The following CUX1 variants were observed in gnomAD, a reference collection of about 807,000 sequenced individuals.
CUX1 encodes cut like homeobox 1.
CUX1 carries 31 observed loss-of-function variants against 158.8 expected under a neutral mutation model. The ratio of observed to expected loss-of-function variants is 0.20; its 90% confidence interval spans 0.15 to 0.26. CUX1 has a LOEUF of 0.26. Among genes scored for constraint, CUX1 ranks in the 10% least tolerant of loss-of-function variants. The pLI, the probability that CUX1 is intolerant of heterozygous loss-of-function variation, is 1.00. For synonymous variants in CUX1, 879 were observed against 862.1 expected, an observed-to-expected ratio of 1.02 and a Z score of -0.34; for missense variants, 1,589 against 2,014.6, an observed-to-expected ratio of 0.79 and a Z score of 4.04.
intron 1 of CUX1, among the ~76,000 whole-genome samples, chr7:101,892,952 G>A (rs1042701747): frequency 2.0e-5 from 3 of 151,946 alleles, no homozygotes; most frequent in Admixed American, 6.6e-5. Flanking sequence ...AGGCCTGAAC[G>A]TGGGCATGTT....
intron 6 of CUX1, among the ~76,000 whole-genome samples, chr7:102,105,480 C>T (rs1314628919): frequency 1.4e-5 from 2 of 142,584 alleles, no homozygotes; most frequent in Admixed American, 7.1e-5. Context: ...GACTATTGAG[C>T]TTACGGATCC....
chr7:102,094,825 C>T (rs1829011682), intron 4 of CUX1, among the ~76,000 whole-genome samples: 2 of 152,114 alleles, frequency 1.3e-5, no homozygotes, highest in African/African-American at 4.8e-5. Context: ...TTTCTTGAAA[C>T]CATTTGCCCA....
intron 11 of CUX1, among the ~76,000 whole-genome samples, chr7:102,180,575 C>G (rs1206737128): frequency 6.6e-6 from 1 of 151,690 alleles, no homozygotes; most frequent in Non-Finnish European, 1.5e-5. Flanking sequence ...ATTCTCCCAC[C>G]TCGGCTCCCA....
intron 1 of CUX1, among the ~76,000 whole-genome samples, chr7:101,895,901 TGTTTTTG>T (rs1257693780): frequency 0.28 from 25,886 of 93,466 alleles, 3,192 homozygotes; most frequent in African/African-American, 0.35. Context: ...GTTTTTTTTT[TGTTTTTG>T]TTTTTTTTTT....
At position 102,218,768 on chromosome 7, in the gene CUX1, G is replaced by T. The variant is rs57661343; in HGVS notation, c.3131-8599G>T. Among the ~76,000 whole-genome samples the T allele has an allele frequency of 2.9e-3, 445 of 151,804 alleles. 3 individuals carry two copies. Among genetic ancestry groups the T allele is most frequent in the African/African-American group, 0.01 (417 of 41,380 alleles). The stretch of plus-strand genomic sequence containing the variant: ...TCGGGCAAACCTAAAAACATATATT[G>T]TTGGCCAGGCACGGTGGCTCAGGCC... On this transcript the variant is annotated intron_variant, in intron 20 of 23. Transcript: ENST00000292535.
At position 102,253,619 on chromosome 7, in the gene CUX1, C is replaced by T. The variant is rs1801757777; in HGVS notation, c.*4577C>T. On this transcript the variant is annotated 3_prime_UTR_variant, in exon 24 of 24. Coordinates refer to ENST00000292535, the MANE Select transcript of CUX1 (RefSeq NM_181552.4). ...AATAGCAGAGCCAGGGGAACAGACG[C>T]ATGTCCTTCTGGGAGTCACACAAAA... is the stretch of plus-strand genomic sequence containing the variant. 1 of 985,358 alleles carries T rather than the reference C, an allele frequency of 1.0e-6. No individual in the cohort carries two copies. 61.0% of individuals were successfully genotyped at this position (985,358 alleles called of 1,614,324 possible).
chr7:102,197,763 C>A (rs1335242601), intron 15 of CUX1, among the ~76,000 whole-genome samples: 1 of 152,076 alleles, frequency 6.6e-6, no homozygotes, highest in African/African-American at 2.4e-5. Flanking sequence ...ACAGATGACA[C>A]CTCCCCTCTT....
intron 2 of CUX1, among the ~76,000 whole-genome samples, chr7:102,017,380 C>T (rs1328042784): frequency 2.6e-5 from 4 of 151,934 alleles, no homozygotes; most frequent in Non-Finnish European, 4.4e-5. Flanking sequence ...GTGTCTGCCC[C>T]GAACCTAGCA....
chr7:101,878,615 T>C (rs545883957), intron 1 of CUX1, among the ~76,000 whole-genome samples: 47 of 152,196 alleles, frequency 3.1e-4, no homozygotes, highest in Admixed American at 7.2e-4. Flanking sequence ...TACAATGTGA[T>C]TGTAAAAATT....
intron 17 of CUX1, among the ~76,000 whole-genome samples, chr7:102,277,240 T>A (rs1791672563): frequency 6.6e-6 from 1 of 151,880 alleles, no homozygotes; most frequent in Non-Finnish European, 1.5e-5. Flanking sequence ...GAGGCTGCAG[T>A]GAGCTCTGGT....
At chr7:102,260,820 A>G (rs568610250), downstream of CUX1, among the ~76,000 whole-genome samples, 34 of 152,278 alleles carry the variant, frequency 2.2e-4, no homozygotes, top group African/African-American at 7.7e-4. Context: ...AATTGTCTGC[A>G]ATGGTCCTGT....
chr7:102,191,532 C>G (rs909960290), intron 12 of CUX1, among the ~76,000 whole-genome samples: 2 of 152,274 alleles, frequency 1.3e-5, no homozygotes, highest in East Asian at 3.9e-4. Flanking sequence ...TTAAACATTA[C>G]CTGGTTAACC....
chr7:101,962,967 T>C (rs975568586), intron 2 of CUX1, among the ~76,000 whole-genome samples: 2 of 152,102 alleles, frequency 1.3e-5, no homozygotes, highest in Non-Finnish European at 2.9e-5. Flanking sequence ...GTGATCCTCC[T>C]CCCAAAGTGC....
chr7:101,861,664 G>A (rs1797472979), intron 1 of CUX1, among the ~76,000 whole-genome samples: 1 of 152,168 alleles, frequency 6.6e-6, no homozygotes, highest in Non-Finnish European at 1.5e-5. Context: ...TGATTTGGTG[G>A]TGCTGGTGCT....
rs566986252 is a variant in CUX1 at position 102,032,894 on chromosome 7, C to T, written c.189+4749C>T. 3.0e-4 allele frequency among the ~76,000 whole-genome samples: 46 copies of T among 152,170 alleles called. No homozygotes were observed. In the Middle Eastern group the frequency reaches 0.014, roughly 45 times the overall value. On this transcript the variant is annotated intron_variant, in intron 3 of 23. Transcript: ENST00000292535. ...CAATTTAAAGCTTATTCTAGCCCAA[C>T]AATTTAGACAATCCCTTTAGTAAAG...
rs781935058 is a variant in CUX1 at position 102,280,146 on chromosome 7, G to A, written c.1764+26G>A. On this transcript the variant is annotated intron_variant, in intron 19 of 22. Coordinates refer to the CUX1 transcript ENST00000292538. ...GTTCGTGAGCCCAGCCTGGGCAGGG[G>A]AGGGGAGGGGCATCAGCCCAGGGAA... is the stretch of plus-strand genomic sequence containing the variant. 1.2e-5 allele frequency: 18 copies of A among 1,514,056 alleles called. No individual in the cohort carries two copies. The South Asian group carries it at 1.9e-4, about 16-fold the overall frequency. 93.8% of individuals were successfully genotyped at this position (1,514,056 alleles called of 1,614,324 possible).
chr7:102,101,548 C>T (rs1829777344), intron 5 of CUX1, among the ~76,000 whole-genome samples: 1 of 152,222 alleles, frequency 6.6e-6, no homozygotes, highest in South Asian at 2.1e-4. Flanking sequence ...TGATGTGTCA[C>T]TGAGGAGCCC....
At position 102,252,667 on chromosome 7, in the gene CUX1, T is replaced by A; in HGVS notation, c.*3625T>A. ...CTTGTGATAGCCGAGATGGCAGGTGTGTGAGTTCTGTCCTAGACCTGTGCC... is the reference window on the plus strand; with the variant it reads ...CTTGTGATAGCCGAGATGGCAGGTGAGTGAGTTCTGTCCTAGACCTGTGCC... On this transcript the variant is annotated 3_prime_UTR_variant, in exon 24 of 24. Coordinates refer to ENST00000292535, the MANE Select transcript of CUX1 (RefSeq NM_181552.4). 1.0e-6 allele frequency: 1 copy of A among 985,446 alleles called. No individual in the cohort carries two copies. The highest frequency in any genetic ancestry group is 1.2e-6 in the Non-Finnish European group (1 of 829,944). 61.0% of individuals were successfully genotyped at this position (985,446 alleles called of 1,614,324 possible).
chr7:101,907,761 A>G (rs775639363), intron 1 of CUX1, among the ~76,000 whole-genome samples: 2 of 152,160 alleles, frequency 1.3e-5, no homozygotes, highest in African/African-American at 2.4e-5. Context: ...GAGATGTCCT[A>G]AGACCTTGTC....
Sources: allele counts gnomAD v4.1 joint callset (sites outside exome capture counted in the v4.1 genomes callset), GRCh38; gene constraint gnomAD v4.1.1; transcripts MANE v1.5; gene names NCBI Gene and HGNC (gene_info 2026-07-23, HGNC 2026-07-21).